ATF1: variants seen among roughly 807,000 people sequenced by gnomAD.
The protein encoded by ATF1 is activating transcription factor 1, also known as cyclic AMP-dependent transcription factor ATF-1.
A neutral mutation model predicts 34.7 loss-of-function variants in ATF1; 16 were observed. That is an observed-to-expected ratio of 0.46 (90% CI 0.31 to 0.70). ATF1 has a LOEUF of 0.70. ATF1 is among the 30% of genes least tolerant of loss of function. The probability of loss-of-function intolerance (pLI) is 0.05; values close to 1 mark genes in which losing one functional copy is unlikely to be tolerated. For missense variants in ATF1, 255 were observed against 321.6 expected, an observed-to-expected ratio of 0.79 and a Z score of 1.58; for synonymous variants, 105 against 113.1, an observed-to-expected ratio of 0.93 and a Z score of 0.46.
chr12:50,778,341 T>G (rs1167738801), intron 1 of ATF1, among the ~76,000 whole-genome samples: 1 of 144,736 alleles, frequency 6.9e-6, no homozygotes, highest in Non-Finnish European at 1.5e-5. Flanking sequence ...TTCTCCTGCC[T>G]CAGCCTCCTG....
intron 3 of ATF1, among the ~76,000 whole-genome samples, chr12:50,804,609 C>G (rs1374244801): frequency 3.3e-5 from 5 of 152,110 alleles, no homozygotes; most frequent in Admixed American, 3.3e-4. Context: ...TATGATTGAG[C>G]CACTACACTC....
intron 2 of ATF1, among the ~76,000 whole-genome samples, chr12:50,790,342 C>T (rs1941276708): frequency 2.0e-5 from 3 of 152,014 alleles, no homozygotes; most frequent in Admixed American, 6.6e-5. Flanking sequence ...ATAGCTGTGA[C>T]GATAGGCATG....
intron 3 of ATF1, among the ~76,000 whole-genome samples, chr12:50,806,007 C>T (rs538278951): frequency 4.6e-5 from 7 of 151,932 alleles, no homozygotes; most frequent in South Asian, 2.1e-4. Flanking sequence ...AAAAATTAGC[C>T]GGGTGTGGTG....
At chr12:50,811,731 C>G (rs996328177) in intron 4 of ATF1, among the ~76,000 whole-genome samples, 1 of 151,562 alleles carries the variant, frequency 6.6e-6, no homozygotes, top group African/African-American at 2.4e-5. Context: ...TTCGAAGTTA[C>G]CGTGAACCGT....
At chr12:50,798,007 A>C (rs916359710) in intron 3 of ATF1, among the ~76,000 whole-genome samples, 1 of 151,762 alleles carries the variant, frequency 6.6e-6, no homozygotes, top group Admixed American at 6.6e-5. Context: ...GAGAAACCCT[A>C]TCTCTACTAA....
chr12:50,792,542 T>C (rs1437182714), intron 2 of ATF1, among the ~76,000 whole-genome samples: 3 of 152,178 alleles, frequency 2.0e-5, no homozygotes, highest in Non-Finnish European at 2.9e-5. Flanking sequence ...TTTGAAGACT[T>C]AGTGGTCGAG....
At position 50,767,277 on chromosome 12, in the gene ATF1, G is replaced by A. The variant is rs141266880; in HGVS notation, c.-7+2970G>A. On this transcript the variant is annotated intron_variant, in intron 1 of 6. Transcript: ENST00000262053. ...TCAGGCCTGTAATCCCAGCACTTTG[G>A]GAGGCTGAGGCTGGTGGATCCCCTG... Among the ~76,000 whole-genome samples the A allele has an allele frequency of 2.4e-3, 356 of 151,398 alleles. 9 individuals carry two copies. The East Asian group carries it at 0.06, about 26-fold the overall frequency.
In ATF1 at chr12:50,814,137, A is replaced by C. The variant is rs1325790029; in HGVS notation, c.456A>C (p.Ala152=). The C allele has an allele frequency of 3.1e-6, 5 of 1,614,126 alleles. No homozygotes were observed. Among genetic ancestry groups the C allele is most frequent in the Non-Finnish European group, 4.2e-6 (5 of 1,180,046 alleles). The change falls in exon 5 of 7, where the codon GCA becomes GCC. Residue 152 remains alanine, a synonymous_variant. Coordinates refer to ENST00000262053, the MANE Select transcript of ATF1 (RefSeq NM_005171.5). ...AAGGTACAACTATTCTTCAGTATGC[A>C]CAGACCTCTGATGGACAGCAGATAC... ...TQQGTTILQY[A]QTSDGQQILV... is the part of the protein sequence containing the mutation.
intron 1 of ATF1, among the ~76,000 whole-genome samples, chr12:50,768,375 C>T (rs973207510): frequency 1.3e-5 from 2 of 152,166 alleles, no homozygotes; most frequent in African/African-American, 4.8e-5. Flanking sequence ...ATAAAAACTT[C>T]TAAAAGGACT....
intron 2 of ATF1, among the ~76,000 whole-genome samples, chr12:50,786,758 G>C (rs1327061994): frequency 6.6e-6 from 1 of 152,154 alleles, no homozygotes; most frequent in South Asian, 2.1e-4. Context: ...CCCAACCCCT[G>C]TAACCCAGGG....
rs981239755 is a variant in ATF1 at position 50,779,386 on chromosome 12, G to A, written c.-6-754G>A. Among the ~76,000 whole-genome samples, 17 of 152,254 alleles carry A rather than the reference G, an allele frequency of 1.1e-4. 1 individual carries two copies. Among genetic ancestry groups the A allele is most frequent in the Admixed American group, 6.5e-4 (10 of 15,294 alleles). On this transcript the variant is annotated intron_variant, in intron 1 of 6. Transcript: ENST00000262053. Reference sequence around the variant, plus strand: ...CCCACCAGCACAGTAGTGTACCAGGGTTCCAGTTTCTCCACATCCTTGCCA... The same window carrying A: ...CCCACCAGCACAGTAGTGTACCAGGATTCCAGTTTCTCCACATCCTTGCCA...
At chr12:50,797,341 T>C (rs1348565950) in intron 3 of ATF1, among the ~76,000 whole-genome samples, 2 of 152,204 alleles carry the variant, frequency 1.3e-5, no homozygotes, top group Non-Finnish European at 2.9e-5. Context: ...ACACCAAGGA[T>C]AAACCTGAGA....
intron 2 of ATF1, chr12:50,788,088 C>G: frequency 5.2e-6 from 2 of 388,212 alleles, no homozygotes; most frequent in Non-Finnish European, 1.0e-5. Flanking sequence ...AAGAGTAACT[C>G]AAATATTGGA....
intron 1 of ATF1, among the ~76,000 whole-genome samples, chr12:50,774,649 G>T (rs1472921276): frequency 6.6e-6 from 1 of 151,888 alleles, no homozygotes; most frequent in Non-Finnish European, 1.5e-5. Flanking sequence ...AACAAATAAA[G>T]GTTACATTCT....
Position 50,798,497 on chromosome 12 carries a change from G to C in ATF1, c.194+2488G>C, listed in dbSNP as rs540694274. On this transcript the variant is annotated intron_variant, in intron 3 of 6. Coordinates refer to ENST00000262053, the MANE Select transcript of ATF1 (RefSeq NM_005171.5). Reference sequence around the variant, plus strand: ...CTAATTTTTTGTATTTTTTAGTAGAGACGGGGTTTCACTGTGTTAGCCATG... The same window carrying C: ...CTAATTTTTTGTATTTTTTAGTAGACACGGGGTTTCACTGTGTTAGCCATG... Among the ~76,000 whole-genome samples the C allele has an allele frequency of 1.2e-4, 18 of 152,104 alleles. No individual in the cohort carries two copies. In the South Asian group the frequency reaches 3.7e-3, roughly 32 times the overall value.
intron 1 of ATF1, among the ~76,000 whole-genome samples, chr12:50,771,385 T>A (rs1444484236): frequency 6.6e-6 from 1 of 152,186 alleles, no homozygotes; most frequent in Non-Finnish European, 1.5e-5. Context: ...GAACGTTTTC[T>A]TACTAATTTT....
At chr12:50,787,942 G>A (rs865994952) in intron 2 of ATF1, among the ~76,000 whole-genome samples, 3 of 152,140 alleles carry the variant, frequency 2.0e-5, no homozygotes, top group Non-Finnish European at 2.9e-5. Context: ...TAGGTGTAGT[G>A]TGATCAAAGT....
intron 3 of ATF1, among the ~76,000 whole-genome samples, chr12:50,796,691 A>T (rs536488917): frequency 1.3e-5 from 2 of 150,416 alleles, no homozygotes; most frequent in South Asian, 2.1e-4. Context: ...ACAGAGCAAG[A>T]CTCTGTCTCA....
intron 4 of ATF1, among the ~76,000 whole-genome samples, chr12:50,810,757 C>T (rs898597016): frequency 6.6e-6 from 1 of 152,154 alleles, no homozygotes; most frequent in Non-Finnish European, 1.5e-5. Flanking sequence ...TCCCATCTGA[C>T]CACCTCTTGC....
Sources: allele counts gnomAD v4.1 joint callset (sites outside exome capture counted in the v4.1 genomes callset), GRCh38; gene constraint gnomAD v4.1.1; transcripts MANE v1.5; gene names NCBI Gene and HGNC (gene_info 2026-07-23, HGNC 2026-07-21).